The following COL10A1 variants were observed in gnomAD, a reference collection of about 807,000 sequenced individuals.
The protein encoded by COL10A1 is collagen alpha-1(X) chain.
Under a neutral mutation model 18.2 loss-of-function variants are expected in COL10A1, and 10 were observed. The ratio of observed to expected loss-of-function variants is 0.55; its 90% CI spans 0.34 to 0.93. COL10A1 has a LOEUF of 0.93. Ranked by LOEUF, COL10A1 falls within the 40% of genes least tolerant of loss-of-function variation. The pLI is 0.02. For missense variants in COL10A1, 897 were observed against 853.5 expected, an observed-to-expected ratio of 1.05 and a Z score of -0.64; for synonymous variants, 330 against 316.6, an observed-to-expected ratio of 1.04 and a Z score of -0.45.
At position 116,119,535 on chromosome 6, in the gene COL10A1, G is replaced by T. The variant is rs1275817363; in HGVS notation, c.*538C>A. 2 of 154,432 alleles carry T rather than the reference G, an allele frequency of 1.3e-5. No individual in the cohort carries two copies. The highest frequency in any genetic ancestry group is 4.8e-5 in the African/African-American group (2 of 41,458). The allele number at this position is 154,432 out of a possible 1,614,324, so 9.6% of individuals were successfully genotyped here. A position where few individuals can be genotyped will look rare whatever the true frequency, so the allele number is the denominator to read the frequency against. On this transcript the variant is annotated 3_prime_UTR_variant, in exon 3 of 3. Transcript: ENST00000651968. The stretch of plus-strand genomic sequence containing the variant: ...GATATTGATGAAAGGGGCCATACAG[G>T]CCTCAGAGTAGTGCACCATCAGAAA...
chr6:116,176,434 G>A, the COL10A1 span, among the ~76,000 whole-genome samples: 1 of 152,168 alleles, frequency 6.6e-6, no homozygotes, highest in Non-Finnish European at 1.5e-5. Flanking sequence ...GTACACCAGG[G>A]TCTTGGGGAT....
At chr6:116,209,306 G>A in the COL10A1 span, among the ~76,000 whole-genome samples, 1 of 151,894 alleles carries the variant, frequency 6.6e-6, no homozygotes, top group Non-Finnish European at 1.5e-5. Context: ...CTTGTGGGCT[G>A]TGGTTTGCCA....
chr6:116,120,716 C>T lies in COL10A1; in HGVS notation c.1400G>A (p.Gly467Glu). Residue 467 changes from glycine (G) to glutamate (E), a missense_variant, in exon 3 of 3, where the codon GGG becomes GAG. Coordinates refer to ENST00000651968, the MANE Select transcript of COL10A1 (RefSeq NM_000493.4). ...AGGAGGACCGGGACTTCCTGGATCC[C>T]CTTTAGACCCAGGGAATCCTGGAAT... ...PGIPGFPGSK[G>E]DPGSPGPPGP... The T allele has an allele frequency of 1.3e-6, 2 of 1,579,682 alleles. No individual in the cohort carries two copies. The highest frequency in any genetic ancestry group is 2.3e-5 in the South Asian group (2 of 85,584).
At chr6:116,131,668 C>A (rs1012848139) in intron 1 of COL10A1, among the ~76,000 whole-genome samples, 1 of 152,104 alleles carries the variant, frequency 6.6e-6, no homozygotes, top group Non-Finnish European at 1.5e-5. Flanking sequence ...TTTGCCAATA[C>A]AAATACTTTT....
At chr6:116,125,654 G>T in intron 1 of COL10A1, 147 bp from the exon 2 acceptor site, 1 of 645,634 alleles carries the variant, frequency 1.5e-6, no homozygotes, top group Non-Finnish European at 2.5e-6. Flanking sequence ...ATAAATGAGA[G>T]ATCATTTTTT....
chr6:116,205,746 G>A, the COL10A1 span, among the ~76,000 whole-genome samples: 1 of 151,944 alleles, frequency 6.6e-6, no homozygotes, highest in African/African-American at 2.4e-5. Flanking sequence ...TTTACAACAA[G>A]GCTGTAATAT....
upstream of COL10A1, among the ~76,000 whole-genome samples, chr6:116,163,301 T>C (rs1780387214): frequency 1.3e-5 from 2 of 151,224 alleles, no homozygotes; most frequent in African/African-American, 4.8e-5. Flanking sequence ...TTTTATAATT[T>C]GTTGTTATTG....
the COL10A1 span, among the ~76,000 whole-genome samples, chr6:116,204,996 T>C: frequency 6.6e-6 from 1 of 151,988 alleles, no homozygotes; most frequent in African/African-American, 2.4e-5. Context: ...ATTGGAAAGA[T>C]ACACACCAAA....
In COL10A1 at chr6:116,119,467, A is replaced by G. The variant is rs1191583324; in HGVS notation, c.*606T>C. ...CTTCAATATTTTGGGGCTTTTTTAT[A>G]TAAGAGCTTTAACAAGTATATATGC... is the stretch of plus-strand genomic sequence containing the variant. On this transcript the variant is annotated 3_prime_UTR_variant, in exon 3 of 3. Coordinates refer to ENST00000651968, the MANE Select transcript of COL10A1 (RefSeq NM_000493.4). The G allele has an allele frequency of 1.2e-4, 19 of 152,666 alleles. No individual in the cohort carries two copies. Among genetic ancestry groups the G allele is most frequent in the Non-Finnish European group, 2.9e-5 (2 of 68,044 alleles). 9.5% of individuals were successfully genotyped at this position (152,666 alleles called of 1,614,324 possible).
At chr6:116,173,288 T>C in the COL10A1 span, among the ~76,000 whole-genome samples, 1 of 152,122 alleles carries the variant, frequency 6.6e-6, no homozygotes, top group East Asian at 1.9e-4. Context: ...TTTTTAAGAG[T>C]TGCAAAATTT....
At chr6:116,145,693 T>G (rs1779881773) in intron 1 of COL10A1, among the ~76,000 whole-genome samples, 1 of 152,252 alleles carries the variant, frequency 6.6e-6, no homozygotes, top group Admixed American at 6.5e-5. Context: ...AATTTGTATC[T>G]TCCATCCTAT....
rs754198326 is a variant in COL10A1 at position 116,120,557 on chromosome 6, A to G, written c.1559T>C (p.Val520Ala). 1.9e-6 allele frequency: 3 copies of G among 1,611,964 alleles called. No homozygotes were observed. The South Asian group carries it at 3.3e-5, about 18-fold the overall frequency. Reference protein sequence around the residue: ...PGPPGPPGQAVMPEGFIKAGQ... With the variant: ...PGPPGPPGQAAMPEGFIKAGQ... ...TGCCTTTATAAAACCCTCAGGCATG[A>G]CTGCTTGACCTGGTGGGCCTGGAGG... Residue 520 changes from valine to alanine, a missense_variant, in exon 3 of 3, where the codon GTC (valine) becomes GCC (alanine). Val to Ala is a moderately conservative substitution (Grantham distance 64). Coordinates refer to ENST00000651968, the MANE Select transcript of COL10A1 (RefSeq NM_000493.4).
At chr6:116,188,511 T>C in the COL10A1 span, among the ~76,000 whole-genome samples, 1 of 151,570 alleles carries the variant, frequency 6.6e-6, no homozygotes, top group African/African-American at 2.4e-5. Context: ...AAACAGAAAA[T>C]GAGAGAGAAA....
chr6:116,182,222 AGT>A, the COL10A1 span, among the ~76,000 whole-genome samples: 11,642 of 124,350 alleles, frequency 0.094, 640 homozygotes, highest in African/African-American at 0.18. Flanking sequence ...TTCCATGGAG[AGT>A]GTGTGTGTGT....
intron 1 of COL10A1, among the ~76,000 whole-genome samples, chr6:116,138,251 A>G (rs1040733372): frequency 6.6e-5 from 10 of 152,176 alleles, no homozygotes; most frequent in African/African-American, 2.4e-4. Flanking sequence ...TTTGAGGCCT[A>G]GAGGTTAAGC....
chr6:116,216,695 C>A, the COL10A1 span, among the ~76,000 whole-genome samples: 3 of 151,784 alleles, frequency 2.0e-5, no homozygotes, highest in South Asian at 4.2e-4. Context: ...ATATAAACAG[C>A]AAATCTGTTT....
Position 116,121,438 on chromosome 6 carries a change from CCCATTTTCA to C in COL10A1, c.669_677del (p.Glu224_Gly226del), listed in dbSNP as rs1310903929. 1 of 1,614,088 alleles carries C rather than the reference CCCATTTTCA, an allele frequency of 6.2e-7. No individual in the cohort carries two copies. Among genetic ancestry groups the C allele is most frequent in the Admixed American group, 1.7e-5 (1 of 60,022 alleles). ...CTTTGATGCCTGGCTGTCCTGGAAC[CCCATTTTCA>C]CCTCTTTTTCCCACTCCAGGAGGGC... On this transcript the variant is annotated inframe_deletion, in exon 3 of 3. Transcript: ENST00000651968.
At chr6:116,190,173 T>G in the COL10A1 span, among the ~76,000 whole-genome samples, 4 of 151,930 alleles carry the variant, frequency 2.6e-5, no homozygotes, top group Admixed American at 2.0e-4. Context: ...GGTCAACATA[T>G]GTTCATTTTC....
intron 2 of COL10A1, among the ~76,000 whole-genome samples, chr6:116,124,903 G>A (rs1779247089): frequency 6.6e-6 from 1 of 152,136 alleles, no homozygotes; most frequent in Admixed American, 6.6e-5. Context: ...ATATCTGTTT[G>A]TGGGCTAGTT....
Sources: gnomAD v4.1 joint callset for allele counts (sites outside exome capture counted in the v4.1 genomes callset) on GRCh38, gnomAD v4.1.1 for gene constraint, MANE v1.5 for transcripts, NCBI Gene and HGNC (gene_info 2026-07-23, HGNC 2026-07-21) for gene names.